EYA1: variants seen among roughly 807,000 people sequenced by gnomAD.
EYA1 encodes the protein EYA transcriptional coactivator and phosphatase 1, also known as protein phosphatase EYA1.
Under a neutral mutation model 82.0 loss-of-function variants are expected in EYA1, and 16 were observed. That is an observed-to-expected ratio of 0.20 (90% CI 0.13 to 0.30). The LOEUF (loss-of-function observed/expected upper bound fraction) is 0.30, where lower values mean the gene tolerates loss of function less well. EYA1 is among the 10% of genes least tolerant of loss of function. EYA1 has a pLI of 1.00. For synonymous variants in EYA1, 261 were observed against 264.4 expected (o/e 0.99, Z 0.12); for missense variants, 633 against 730.7 (o/e 0.87, Z 1.54).
upstream of EYA1, among the ~76,000 whole-genome samples, chr8:71,365,386 T>C (rs1827694462): frequency 6.6e-6 from 1 of 152,170 alleles, no homozygotes; most frequent in Non-Finnish European, 1.5e-5. Flanking sequence ...TCTCTTTGTT[T>C]CTATGCTTCT....
chr8:71,388,353 T>C (rs1262925695), intron 2 of EYA1, among the ~76,000 whole-genome samples: 1 of 152,120 alleles, frequency 6.6e-6, no homozygotes, highest in East Asian at 1.9e-4. Flanking sequence ...AGTTAGCAAA[T>C]GCATACAACT....
At chr8:71,255,124 C>T (rs867429057) in intron 11 of EYA1, among the ~76,000 whole-genome samples, 1 of 152,034 alleles carries the variant, frequency 6.6e-6, no homozygotes, top group Non-Finnish European at 1.5e-5. Context: ...AATGGAAAGA[C>T]ATCCCATGTT....
intron 2 of EYA1, among the ~76,000 whole-genome samples, chr8:71,421,231 G>A (rs897102652): frequency 2.0e-5 from 3 of 152,130 alleles, no homozygotes; most frequent in African/African-American, 7.2e-5. Context: ...AATTGTTTCA[G>A]GTTGGTGCTG....
chr8:71,236,630 T>G (rs369473391), intron 12 of EYA1, among the ~76,000 whole-genome samples: 1 of 152,334 alleles, frequency 6.6e-6, no homozygotes, highest in Admixed American at 6.5e-5. Context: ...TGAGCTAGAA[T>G]CTGCCACTCT....
At chr8:71,244,377 A>G (rs377198580) in intron 12 of EYA1, among the ~76,000 whole-genome samples, 1 of 152,232 alleles carries the variant, frequency 6.6e-6, no homozygotes, top group Non-Finnish European at 1.5e-5. Flanking sequence ...TCTTGAAATC[A>G]AATTTTAATC....
At position 71,267,686 on chromosome 8, in the gene EYA1, C is replaced by T. The variant is rs534443083; in HGVS notation, c.1050+2054G>A. ...GCCTCAGCTTCCTGAGTAGCTGGGACTACAGGCACCTGCCACCACGCCTGG... is the reference window on the plus strand; with the variant it reads ...GCCTCAGCTTCCTGAGTAGCTGGGATTACAGGCACCTGCCACCACGCCTGG... On this transcript the variant is annotated intron_variant, in intron 11 of 17. Coordinates refer to ENST00000340726, the MANE Select transcript of EYA1 (RefSeq NM_000503.6). Among the ~76,000 whole-genome samples the T allele has an allele frequency of 2.0e-5, 3 of 152,056 alleles. No homozygotes were observed. The South Asian group carries it at 6.2e-4, about 32-fold the overall frequency.
chr8:71,276,051 A>T (rs1817130278), intron 9 of EYA1, among the ~76,000 whole-genome samples: 1 of 152,248 alleles, frequency 6.6e-6, no homozygotes, highest in Non-Finnish European at 1.5e-5. Context: ...CTGGGACAAG[A>T]TACAGATTTT....
intron 9 of EYA1, among the ~76,000 whole-genome samples, chr8:71,297,944 A>G (rs62506573): frequency 0.1 from 15,496 of 152,276 alleles, 941 homozygotes; most frequent in South Asian, 0.21. Context: ...AATGAGCATT[A>G]GAAGTTAATT....
intron 10 of EYA1, among the ~76,000 whole-genome samples, chr8:71,271,037 G>T (rs559942582): frequency 6.6e-6 from 1 of 152,270 alleles, no homozygotes; most frequent in South Asian, 2.1e-4. Flanking sequence ...CTTGAACCGG[G>T]AGGCAGAGGT....
At chr8:71,299,615 G>A in intron 8 of EYA1, 23 bp downstream of exon 8, 1 of 1,371,298 alleles carries the variant, frequency 7.3e-7, no homozygotes, top group African/African-American at 1.4e-5. Context: ...TTTTTCAGAA[G>A]TTAAACTGGC....
intron 2 of EYA1, among the ~76,000 whole-genome samples, chr8:71,446,973 C>A (rs2129175468): frequency 6.6e-6 from 1 of 152,174 alleles, no homozygotes; most frequent in East Asian, 1.9e-4. Context: ...TTAACAGGCA[C>A]TGAGCAACCA....
At chr8:71,537,939 A>G (rs1814838590) in intron 1 of EYA1, among the ~76,000 whole-genome samples, 1 of 152,234 alleles carries the variant, frequency 6.6e-6, no homozygotes, top group Non-Finnish European at 1.5e-5. Flanking sequence ...AAAAGAAAAG[A>G]CAGATTATTG....
intron 6 of EYA1, 115 bp from the exon 7 acceptor site, chr8:71,317,804 A>C: frequency 1.0e-6 from 1 of 995,324 alleles, no homozygotes; most frequent in African/African-American, 1.6e-5. Context: ...TCTTATCTCA[A>C]AAATAAAGGG....
At chr8:71,334,226 G>T (rs780876667) in intron 3 of EYA1, 52 bp from the exon 4 acceptor site, 1 of 1,282,328 alleles carries the variant, frequency 7.8e-7, no homozygotes, top group Non-Finnish European at 1.1e-6. Flanking sequence ...TATTTGTAAA[G>T]ACATGGAAGA....
chr8:71,252,073 A>G (rs1308236233), intron 11 of EYA1, among the ~76,000 whole-genome samples: 7 of 152,000 alleles, frequency 4.6e-5, no homozygotes, highest in Admixed American at 4.6e-4. Context: ...GAGGACTGGG[A>G]TATTTCCTCT....
intron 4 of EYA1, among the ~76,000 whole-genome samples, chr8:71,325,586 T>C (rs12676546): frequency 0.1 from 15,904 of 152,248 alleles, 1,511 homozygotes; most frequent in East Asian, 0.44. Context: ...ACGTGAAGAA[T>C]GGTTCAATTA....
chr8:71,342,469 G>C (rs1825247966), intron 3 of EYA1, among the ~76,000 whole-genome samples: 3 of 151,916 alleles, frequency 2.0e-5, no homozygotes, highest in Admixed American at 2.0e-4. Context: ...TCTCCTCCTT[G>C]AAGCTGGGCC....
At chr8:71,361,559 A>C (rs989631157) in intron 1 of EYA1, 88 bp downstream of exon 1, 3 of 635,912 alleles carry the variant, frequency 4.7e-6, no homozygotes, top group Non-Finnish European at 5.9e-6. Flanking sequence ...CAAAACAATA[A>C]TAAAAGCGCT....
At chr8:71,510,428 G>C (rs1292235504) in intron 2 of EYA1, among the ~76,000 whole-genome samples, 2 of 152,192 alleles carry the variant, frequency 1.3e-5, no homozygotes, top group Non-Finnish European at 2.9e-5. Context: ...AAATACCTGA[G>C]ACTGGGTAAT....
Sources: allele counts gnomAD v4.1 joint callset (sites outside exome capture counted in the v4.1 genomes callset), GRCh38; gene constraint gnomAD v4.1.1; transcripts MANE v1.5; gene names NCBI Gene and HGNC (gene_info 2026-07-23, HGNC 2026-07-21).